The following MYO1B variants were observed in gnomAD, a reference collection of about 807,000 sequenced individuals.
MYO1B encodes myosin IB.
MYO1B carries 72 observed loss-of-function variants against 159.7 expected under a neutral mutation model. The ratio of observed to expected loss-of-function variants is 0.45; its 90% CI spans 0.37 to 0.55. The LOEUF (loss-of-function observed/expected upper bound fraction) is 0.55. MYO1B is among the 20% of genes least tolerant of loss of function. The pLI, the probability that MYO1B is intolerant of heterozygous loss-of-function variation, is 0.00. For synonymous variants in MYO1B, 468 were observed against 473.8 expected, an observed-to-expected ratio of 0.99 and a Z score of 0.16; for missense variants, 1,062 against 1,364.8, an observed-to-expected ratio of 0.78 and a Z score of 3.50.
At chr2:191,400,882 A>G (rs762246615) in intron 23 of MYO1B, 47 bp downstream of exon 23, 1 of 1,570,272 alleles carries the variant, frequency 6.4e-7, no homozygotes, top group South Asian at 1.1e-5. Context: ...ATTCTGCAAT[A>G]ATCAGTCCTT....
chr2:191,340,383 T>A (rs752858292), intron 4 of MYO1B, among the ~76,000 whole-genome samples: 3 of 152,228 alleles, frequency 2.0e-5, no homozygotes, highest in Non-Finnish European at 4.4e-5. Context: ...TCCTTAAATA[T>A]CTATTAACAT....
At position 191,346,924 on chromosome 2, in the gene MYO1B, C is replaced by T. The variant is rs540527238; in HGVS notation, c.498+642C>T. Reference sequence around the variant, plus strand: ...TGTTGACGCAGTGGGCTCCTCCAGGCGGGCCATGCTCTTGGGTGCCTCTAC... The same window carrying T: ...TGTTGACGCAGTGGGCTCCTCCAGGTGGGCCATGCTCTTGGGTGCCTCTAC... On this transcript the variant is annotated intron_variant, in intron 6 of 30. Transcript: ENST00000392318. Among the ~76,000 whole-genome samples the T allele has an allele frequency of 2.6e-5, 4 of 152,328 alleles. No homozygotes were observed. The East Asian group carries it at 7.7e-4, about 29-fold the overall frequency.
chr2:191,379,626 G>A (rs1559216482), intron 13 of MYO1B, among the ~76,000 whole-genome samples: 1 of 152,016 alleles, frequency 6.6e-6, no homozygotes, highest in Admixed American at 6.6e-5. Context: ...AGCATAATAG[G>A]GTTGAAATAG....
At chr2:191,356,353 T>TGAG (rs1186664118) in intron 7 of MYO1B, among the ~76,000 whole-genome samples, 25 of 150,588 alleles carry the variant, frequency 1.7e-4, no homozygotes, top group African/African-American at 5.4e-4. Context: ...TTTTTTTTTT[T>TGAG]TTTTGAGTTT....
chr2:191,372,929 C>T (rs1018153612), intron 13 of MYO1B, among the ~76,000 whole-genome samples: 5 of 121,900 alleles, frequency 4.1e-5, no homozygotes, highest in African/African-American at 1.6e-4. Flanking sequence ...ACTGTGTCTC[C>T]AGGCTGGAGT....
intron 1 of MYO1B, among the ~76,000 whole-genome samples, chr2:191,276,592 G>A (rs1044849895): frequency 2.6e-5 from 4 of 152,072 alleles, no homozygotes; most frequent in African/African-American, 9.7e-5. Flanking sequence ...GGAGTTTTGC[G>A]ACTCTCTGCT....
At chr2:191,421,600 C>G (rs753602050) in intron 30 of MYO1B, among the ~76,000 whole-genome samples, 2 of 152,068 alleles carry the variant, frequency 1.3e-5, no homozygotes, top group Non-Finnish European at 1.5e-5. Context: ...CTCAGCTTCC[C>G]GAGTAGCTGG....
At chr2:191,409,319 T>C in intron 26 of MYO1B, 141 bp downstream of exon 26, 2 of 957,630 alleles carry the variant, frequency 2.1e-6, no homozygotes, top group South Asian at 1.7e-5. Flanking sequence ...TTTTCCCCCA[T>C]GCACCATATT....
intron 1 of MYO1B, among the ~76,000 whole-genome samples, chr2:191,252,055 C>G (rs1686156521): frequency 6.6e-6 from 1 of 152,164 alleles, no homozygotes; most frequent in Non-Finnish European, 1.5e-5. Flanking sequence ...AGTGATTGGT[C>G]ACTGTTTTAT....
At chr2:191,421,478 T>TTTTA (rs1488761214) in intron 30 of MYO1B, among the ~76,000 whole-genome samples, 1 of 152,170 alleles carries the variant, frequency 6.6e-6, no homozygotes, top group East Asian at 1.9e-4. Context: ...AAGTGGTCTT[T>TTTTA]TTTATTTATT....
At chr2:191,248,572 G>A (rs1047170064) in intron 1 of MYO1B, among the ~76,000 whole-genome samples, 19 of 152,132 alleles carry the variant, frequency 1.2e-4, no homozygotes, top group Admixed American at 1.2e-3. Flanking sequence ...CATTGTGATG[G>A]GGTATCGTAC....
chr2:191,382,827 A>T (rs557016376), intron 14 of MYO1B, among the ~76,000 whole-genome samples: 45 of 152,296 alleles, frequency 3.0e-4, no homozygotes, highest in Middle Eastern at 6.8e-3. Flanking sequence ...TCCCTACAAC[A>T]CAAGATTGAC....
intron 2 of MYO1B, among the ~76,000 whole-genome samples, chr2:191,280,959 G>T (rs13400910): frequency 0.022 from 3,419 of 152,308 alleles, 117 homozygotes; most frequent in African/African-American, 0.076. Flanking sequence ...ACTTCTAATG[G>T]CAGAGAAGAG....
chr2:191,383,883 A>G (rs1340232657), intron 15 of MYO1B, among the ~76,000 whole-genome samples: 1 of 151,898 alleles, frequency 6.6e-6, no homozygotes, highest in African/African-American at 2.4e-5. Context: ...CATACTATTC[A>G]CCGGGTATTA....
At chr2:191,386,683 A>G (rs2126087878) in intron 16 of MYO1B, among the ~76,000 whole-genome samples, 1 of 152,244 alleles carries the variant, frequency 6.6e-6, no homozygotes, top group Admixed American at 6.5e-5. Flanking sequence ...AGGGAAAAAA[A>G]CTTCTTGATT....
chr2:191,284,939 C>T (rs566472138), intron 2 of MYO1B, among the ~76,000 whole-genome samples: 22 of 152,220 alleles, frequency 1.4e-4, no homozygotes, highest in African/African-American at 5.1e-4. Context: ...TAGCCAAGAC[C>T]CTGGTATTTT....
chr2:191,273,417 C>T (rs187334957), intron 1 of MYO1B, among the ~76,000 whole-genome samples: 1 of 152,330 alleles, frequency 6.6e-6, no homozygotes, highest in Non-Finnish European at 1.5e-5. Context: ...GCCACCGCGC[C>T]TGGCCAATTC....
chr2:191,402,856 CT>C, intron 24 of MYO1B, 138 bp downstream of exon 24: 4 of 625,076 alleles, frequency 6.4e-6, no homozygotes, highest in Admixed American at 3.6e-5. Context: ...AATTTTGTAC[CT>C]TTTTCAGAAG....
chr2:191,413,964 T>TTC, intron 27 of MYO1B, 84 bp from the exon 28 acceptor site: 1 of 1,411,660 alleles, frequency 7.1e-7, no homozygotes, highest in South Asian at 1.5e-5. Flanking sequence ...CAGCTACTCC[T>TTC]TAGAATCAAC....
Sources: gnomAD v4.1 joint callset for allele counts (sites outside exome capture counted in the v4.1 genomes callset) on GRCh38, gnomAD v4.1.1 for gene constraint, MANE v1.5 for transcripts, NCBI Gene and HGNC (gene_info 2026-07-23, HGNC 2026-07-21) for gene names.